SKIL: variants seen among roughly 807,000 people sequenced by gnomAD.
SKIL encodes the protein SKI like proto-oncogene.
A neutral mutation model predicts 69.6 loss-of-function variants in SKIL; 20 were observed. The observed-to-expected ratio is 0.29, with a 90% CI of 0.20 to 0.42. The LOEUF is 0.42. Among genes scored for constraint, SKIL ranks in the 10% least tolerant of loss-of-function variants. The pLI is 1.00. For missense variants in SKIL, 745 were observed against 783.1 expected (o/e 0.95, Z 0.58); for synonymous variants, 310 against 279.9 (o/e 1.11, Z -1.08).
At chr3:170,367,091 T>A (rs73038331) in intron 2 of SKIL, among the ~76,000 whole-genome samples, 3,066 of 152,220 alleles carry the variant, frequency 0.02, 93 homozygotes, top group African/African-American at 0.071. Flanking sequence ...TGTAGGTGAT[T>A]CTTCACTTTT....
In SKIL at chr3:170,393,777, T is replaced by C. The variant is rs550908856; in HGVS notation, c.*1360T>C. ...TTTCATGTTCTCTTATAAGATACTA[T>C]GTATGAAATTACTTCAGAGAGCTAT... On this transcript the variant is annotated 3_prime_UTR_variant, in exon 7 of 7. Transcript: ENST00000259119. 1 of 152,334 alleles carries C rather than the reference T, an allele frequency of 6.6e-6. No individual in the cohort carries two copies. Among genetic ancestry groups the C allele is most frequent in the Non-Finnish European group, 1.5e-5 (1 of 68,032 alleles). The allele number at this position is 152,334 out of a possible 1,614,324, so 9.4% of individuals were successfully genotyped here.
chr3:170,391,096 T>A lies in SKIL; in HGVS notation c.1732T>A (p.Leu578Ile), dbSNP rs1312172648. The change falls in exon 6 of 7, where the codon TTA becomes ATA. Residue 578 changes from leucine to isoleucine, a missense_variant. Coordinates refer to ENST00000259119, the MANE Select transcript of SKIL (RefSeq NM_005414.5). Reference protein sequence around the residue: ...MKELTEEQQNLQKELESLQNE... With the variant: ...MKELTEEQQNIQKELESLQNE... ...GGAACTCACTGAAGAACAGCAGAAT[T>A]TACAGAAAGAGCTTGAATCTTTGCA... is the stretch of plus-strand genomic sequence containing the variant. 6.2e-7 allele frequency: 1 copy of A among 1,610,842 alleles called. No individual in the cohort carries two copies. The highest frequency in any genetic ancestry group is 8.5e-7 in the Non-Finnish European group (1 of 1,177,240).
intron 1 of SKIL, among the ~76,000 whole-genome samples, chr3:170,359,344 C>G (rs1736101316): frequency 6.6e-6 from 1 of 152,162 alleles, no homozygotes; most frequent in South Asian, 2.1e-4. Context: ...GCCTGTAATT[C>G]CAGCACTTTG....
intron 2 of SKIL, among the ~76,000 whole-genome samples, chr3:170,368,400 A>G (rs1287815891): frequency 1.3e-5 from 2 of 152,136 alleles, no homozygotes; most frequent in Non-Finnish European, 2.9e-5. Flanking sequence ...ACTCAATTAA[A>G]TTTTTCTTTT....
In SKIL at chr3:170,361,434, G is replaced by T. The variant is rs1736228217; in HGVS notation, c.1098+5G>T. 1 of 1,542,070 alleles carries T rather than the reference G, an allele frequency of 6.5e-7. No individual in the cohort carries two copies. The highest frequency in any genetic ancestry group is 1.4e-5 in the African/African-American group (1 of 71,952). ...GGAAAGAGAAATCAATCCAAGGCAA[G>T]TTTTTTATATCAATTTTTAATAATG... is the stretch of plus-strand genomic sequence containing the variant. On this transcript the variant is annotated splice_donor_5th_base_variant and intron_variant, in intron 2 of 6. Transcript: ENST00000259119.
intron 4 of SKIL, among the ~76,000 whole-genome samples, chr3:170,389,812 C>T (rs1221858768): frequency 6.6e-6 from 1 of 152,126 alleles, no homozygotes; most frequent in African/African-American, 2.4e-5. Context: ...GTGAGTCTTT[C>T]AACTTCGTTA....
rs35647654 is a variant in SKIL, at chr3:170,382,718, A to ATTT, written c.1196+1393_1196+1395dup. On this transcript the variant is annotated intron_variant, in intron 3 of 6. Coordinates refer to ENST00000259119, the MANE Select transcript of SKIL (RefSeq NM_005414.5). ...GCCACCGCCCCGAGCCGCAACTTCAATTTTTTTTTTTTTTTTTTGAGATGG... is the reference window on the plus strand; with the variant it reads ...GCCACCGCCCCGAGCCGCAACTTCAATTTTTTTTTTTTTTTTTTTTTGAGATGG... Among the ~76,000 whole-genome samples the ATTT allele has an allele frequency of 4.9e-4, 60 of 123,040 alleles. 4 individuals are homozygous for ATTT. Among genetic ancestry groups the ATTT allele is most frequent in the South Asian group, 3.2e-3 (12 of 3,786 alleles). 80.7% of individuals were successfully genotyped at this position (123,040 alleles called of 152,430 possible).
intron 4 of SKIL, among the ~76,000 whole-genome samples, chr3:170,388,593 C>T (rs114431604): frequency 0.012 from 1,777 of 151,664 alleles, 18 homozygotes; most frequent in Non-Finnish European, 0.019. Flanking sequence ...CCACCATGCT[C>T]GGCTAATTTT....
chr3:170,375,751 A>T (rs1560213528), intron 2 of SKIL, among the ~76,000 whole-genome samples: 1 of 151,028 alleles, frequency 6.6e-6, no homozygotes, highest in Admixed American at 6.6e-5. Flanking sequence ...ATTAAAAACA[A>T]TTTTTTTTGT....
chr3:170,375,255 T>C (rs1171266968), intron 2 of SKIL, among the ~76,000 whole-genome samples: 2 of 152,050 alleles, frequency 1.3e-5, no homozygotes, highest in Non-Finnish European at 2.9e-5. Flanking sequence ...GACTAGGAAA[T>C]AAAATAAAGA....
intron 4 of SKIL, among the ~76,000 whole-genome samples, chr3:170,388,962 C>T (rs186945458): frequency 1.7e-3 from 254 of 151,934 alleles, no homozygotes; most frequent in African/African-American, 5.8e-3. Context: ...CTCCACCTCC[C>T]GGGTTCAACC....
At chr3:170,378,534 T>C (rs1737150176) in intron 2 of SKIL, among the ~76,000 whole-genome samples, 1 of 145,602 alleles carries the variant, frequency 6.9e-6, no homozygotes, top group Non-Finnish European at 1.5e-5. Context: ...GAATTGGGAA[T>C]TGGACTCTCT....
At position 170,360,454 on chromosome 3, in the gene SKIL, A is replaced by C; in HGVS notation, c.123A>C (p.Lys41Asn). 1 of 1,613,976 alleles carries C rather than the reference A, an allele frequency of 6.2e-7. No individual in the cohort carries two copies. Reference protein sequence around the residue: ...KMITDIHANGKTINKVPTVKK... With the variant: ...KMITDIHANGNTINKVPTVKK... Reference sequence around the variant, plus strand: ...TAACGGACATTCATGCAAATGGAAAAACGATAAACAAGGTGCCAACAGTTA... The same window carrying C: ...TAACGGACATTCATGCAAATGGAAACACGATAAACAAGGTGCCAACAGTTA... The change falls in exon 2 of 7, where the codon AAA becomes AAC. Residue 41 changes from lysine (K) to asparagine (N), a missense_variant. Transcript: ENST00000259119.
intron 4 of SKIL, among the ~76,000 whole-genome samples, chr3:170,386,269 T>C (rs1005967416): frequency 2.0e-5 from 3 of 151,862 alleles, no homozygotes; most frequent in African/African-American, 7.3e-5. Flanking sequence ...CAGCTGGGAT[T>C]ATAGGCATGC....
At chr3:170,367,479 A>G (rs77563273) in intron 2 of SKIL, among the ~76,000 whole-genome samples, 1 of 12,652 alleles carries the variant, frequency 7.9e-5, no homozygotes, top group South Asian at 2.4e-3. Context: ...TTTTTTTTTT[A>G]AATTGAGATG....
At chr3:170,374,233 A>G (rs1369444046) in intron 2 of SKIL, among the ~76,000 whole-genome samples, 1 of 147,878 alleles carries the variant, frequency 6.8e-6, no homozygotes, top group Non-Finnish European at 1.5e-5. Flanking sequence ...TAAATTGTAC[A>G]TTCATAGACA....
intron 4 of SKIL, among the ~76,000 whole-genome samples, chr3:170,389,340 G>A (rs1737796628): frequency 2.7e-5 from 4 of 148,316 alleles, no homozygotes; most frequent in Admixed American, 2.7e-4. Flanking sequence ...TTGAGACGGA[G>A]TCTTGCTCTG....
intron 2 of SKIL, among the ~76,000 whole-genome samples, chr3:170,368,420 A>T (rs918989230): frequency 6.6e-6 from 1 of 152,190 alleles, no homozygotes; most frequent in Non-Finnish European, 1.5e-5. Flanking sequence ...TTTTAACTGA[A>T]TAGATTTTTG....
intron 3 of SKIL, among the ~76,000 whole-genome samples, chr3:170,383,359 A>G (rs559028142): frequency 6.6e-6 from 1 of 152,260 alleles, no homozygotes; most frequent in African/African-American, 2.4e-5. Context: ...AAGGGGAACA[A>G]TATAGATGTC....
Sources: allele counts gnomAD v4.1 joint callset (sites outside exome capture counted in the v4.1 genomes callset), GRCh38; gene constraint gnomAD v4.1.1; transcripts MANE v1.5; gene names NCBI Gene and HGNC (gene_info 2026-07-23, HGNC 2026-07-21).